The following DSCAM variants were observed in gnomAD, a reference collection of about 807,000 sequenced individuals.
The protein encoded by DSCAM is cell adhesion molecule DSCAM.
A neutral mutation model predicts 217.7 loss-of-function variants in DSCAM; 47 were observed. The observed-to-expected ratio is 0.22, with a 90% CI of 0.17 to 0.28. The LOEUF (loss-of-function observed/expected upper bound fraction) is 0.28, where lower values mean the gene tolerates loss of function less well. Ranked by LOEUF, DSCAM falls within the 10% of genes least tolerant of loss-of-function variation. The pLI, the probability that DSCAM is intolerant of heterozygous loss-of-function variation, is 1.00. For synonymous variants in DSCAM, 1,056 were observed against 1,015.3 expected (o/e 1.04, Z -0.76); for missense variants, 2,080 against 2,618.3 (o/e 0.79, Z 4.49).
chr21:40,724,397 T>C (rs1001539741), intron 1 of DSCAM, among the ~76,000 whole-genome samples: 2 of 152,042 alleles, frequency 1.3e-5, no homozygotes, highest in African/African-American at 4.8e-5. Context: ...GAATTACAAA[T>C]GAAGAAAATC....
chr21:40,071,377 G>A (rs1252277258), intron 27 of DSCAM, among the ~76,000 whole-genome samples: 1 of 152,188 alleles, frequency 6.6e-6, no homozygotes, highest in African/African-American at 2.4e-5. Flanking sequence ...AATATAGGTT[G>A]ACGACACTGC....
intron 3 of DSCAM, among the ~76,000 whole-genome samples, chr21:40,638,171 G>A (rs763153869): frequency 6.6e-6 from 1 of 152,124 alleles, no homozygotes; most frequent in Admixed American, 6.6e-5. Flanking sequence ...TCTTTGATTT[G>A]TAATAAACAG....
At chr21:40,174,381 A>G (rs945514473) in intron 15 of DSCAM, among the ~76,000 whole-genome samples, 1 of 152,216 alleles carries the variant, frequency 6.6e-6, no homozygotes, top group Non-Finnish European at 1.5e-5. Context: ...TGCCAGTGGC[A>G]GCAATCCCTT....
intron 32 of DSCAM, among the ~76,000 whole-genome samples, chr21:40,029,424 TTG>T (rs1043649562): frequency 3.3e-5 from 4 of 123,060 alleles, no homozygotes; most frequent in East Asian, 2.0e-4. Flanking sequence ...GCATTTGAGG[TTG>T]TTTTTTTTTT....
chr21:40,660,085 C>A (rs1234314444), intron 3 of DSCAM, among the ~76,000 whole-genome samples: 2 of 152,174 alleles, frequency 1.3e-5, no homozygotes, highest in African/African-American at 4.8e-5. Flanking sequence ...CTTACTGCAT[C>A]TTCCCAAAAC....
intron 30 of DSCAM, among the ~76,000 whole-genome samples, chr21:40,050,892 A>G (rs1239692100): frequency 6.6e-6 from 1 of 152,234 alleles, no homozygotes. Flanking sequence ...GGCGGTAAGA[A>G]GATTAGACAA....
intron 11 of DSCAM, among the ~76,000 whole-genome samples, chr21:40,249,616 G>A (rs1057100055): frequency 1.3e-5 from 2 of 152,170 alleles, no homozygotes; most frequent in Non-Finnish European, 2.9e-5. Flanking sequence ...GAGTATGAAA[G>A]CAACATTTCA....
chr21:40,397,789 G>A (rs1569103661), intron 3 of DSCAM, among the ~76,000 whole-genome samples: 1 of 151,610 alleles, frequency 6.6e-6, no homozygotes, highest in African/African-American at 2.4e-5. Context: ...CCACTACTAT[G>A]CTACTACTAT....
chr21:40,515,640 G>A (rs957686021), intron 3 of DSCAM, among the ~76,000 whole-genome samples: 24 of 152,110 alleles, frequency 1.6e-4, no homozygotes, highest in Admixed American at 1.6e-3. Context: ...CTTAAAAATT[G>A]CAGTCTTTTC....
At chr21:40,140,342 C>T (rs114739956) in intron 18 of DSCAM, among the ~76,000 whole-genome samples, 3,453 of 152,222 alleles carry the variant, frequency 0.023, 120 homozygotes, top group African/African-American at 0.071. Context: ...CCAAGCATTT[C>T]TTTGTTTAAA....
chr21:40,136,807 A>G (rs2090214096), intron 18 of DSCAM, among the ~76,000 whole-genome samples: 4 of 152,190 alleles, frequency 2.6e-5, no homozygotes, highest in Admixed American at 2.6e-4. Context: ...CAACTCTTGA[A>G]TCAGACAGAA....
At chr21:40,754,095 C>T (rs902841432) in intron 1 of DSCAM, among the ~76,000 whole-genome samples, 12 of 152,196 alleles carry the variant, frequency 7.9e-5, no homozygotes, top group African/African-American at 2.9e-4. Flanking sequence ...CAGGCCAGAG[C>T]CTCTTTTCTT....
intron 9 of DSCAM, among the ~76,000 whole-genome samples, chr21:40,308,003 C>T (rs1302045868): frequency 1.3e-5 from 2 of 151,636 alleles, no homozygotes; most frequent in African/African-American, 2.4e-5. Context: ...TTGATGGGTG[C>T]AGCACACCAG....
intron 18 of DSCAM, 23 bp downstream of exon 18, chr21:40,142,535 A>C: frequency 1.2e-6 from 2 of 1,611,830 alleles, no homozygotes; most frequent in South Asian, 1.1e-5. Flanking sequence ...GGCAAACCCA[A>C]AGTCCTAGTT....
intron 3 of DSCAM, among the ~76,000 whole-genome samples, chr21:40,512,531 T>TCA (rs1420564821): frequency 1.3e-5 from 2 of 152,092 alleles, no homozygotes; most frequent in Non-Finnish European, 2.9e-5. Flanking sequence ...GAGGCTGTCT[T>TCA]CACGTTTGCG....
chr21:40,565,568 T>C (rs2076758028), intron 3 of DSCAM, among the ~76,000 whole-genome samples: 1 of 152,178 alleles, frequency 6.6e-6, no homozygotes, highest in Non-Finnish European at 1.5e-5. Flanking sequence ...CAAAATTCCA[T>C]TGCTGTCCCT....
rs369218868 is a variant in DSCAM, at chr21:40,590,360, C to T, written c.508+102450G>A. Among the ~76,000 whole-genome samples the T allele has an allele frequency of 3.3e-5, 5 of 152,186 alleles. No homozygotes were observed. In the East Asian group the frequency reaches 5.8e-4, roughly 18 times the overall value. On this transcript the variant is annotated intron_variant, in intron 3 of 32. Coordinates refer to ENST00000400454, the MANE Select transcript of DSCAM (RefSeq NM_001389.5). ...TGGGCCAGAGGGGCACATTAATGAG[C>T]CATGGAGCCCCTGCAGGGGTTCTGC...
At chr21:40,338,507 T>A in intron 7 of DSCAM, 131 bp from the exon 8 acceptor site, 1 of 990,692 alleles carries the variant, frequency 1.0e-6, no homozygotes, top group Non-Finnish European at 1.4e-6. Flanking sequence ...GTTAAACAAA[T>A]ATTTTTGCAT....
At chr21:40,334,109 T>C (rs2074404499) in intron 8 of DSCAM, among the ~76,000 whole-genome samples, 1 of 152,158 alleles carries the variant, frequency 6.6e-6, no homozygotes, top group Non-Finnish European at 1.5e-5. Flanking sequence ...CCTGTACATA[T>C]GAAGTTAAAA....
Sources: gnomAD v4.1 joint callset for allele counts (sites outside exome capture counted in the v4.1 genomes callset) on GRCh38, gnomAD v4.1.1 for gene constraint, MANE v1.5 for transcripts, NCBI Gene and HGNC (gene_info 2026-07-23, HGNC 2026-07-21) for gene names.